The following LSM14B variants were observed in gnomAD, a reference collection of about 807,000 sequenced individuals.
LSM14B encodes the protein protein LSM14 homolog B.
Under a neutral mutation model 42.1 loss-of-function variants are expected in LSM14B, and 8 were observed. The ratio of observed to expected loss-of-function variants is 0.19; its 90% CI spans 0.11 to 0.34. LSM14B has a LOEUF of 0.34. LSM14B is among the 10% of genes least tolerant of loss of function. LSM14B has a pLI of 1.00. For missense variants in LSM14B, 396 were observed against 513.1 expected (o/e 0.77, Z 2.21); for synonymous variants, 219 against 209.7 (o/e 1.04, Z -0.38).
Position 62,132,739 on chromosome 20 carries a change from C to T in LSM14B, c.987-551C>T, listed in dbSNP as rs565516892. Among the ~76,000 whole-genome samples the T allele has an allele frequency of 2.6e-5, 4 of 152,170 alleles. No homozygotes were observed. The East Asian group carries it at 5.8e-4, about 22-fold the overall frequency. On this transcript the variant is annotated intron_variant, in intron 7 of 8. Transcript: ENST00000279068. ...GGTGTGCTGCTGGAGCTGTTGTCTGCGTCGGTAGGAGTGCTGGGTGGGAGT... is the reference window on the plus strand; with the variant it reads ...GGTGTGCTGCTGGAGCTGTTGTCTGTGTCGGTAGGAGTGCTGGGTGGGAGT...
At chr20:62,124,430 T>C (rs1471498684) in intron 1 of LSM14B, among the ~76,000 whole-genome samples, 187 bp from the exon 2 acceptor site, 1 of 152,250 alleles carries the variant, frequency 6.6e-6, no homozygotes, top group Non-Finnish European at 1.5e-5. Context: ...CTTCACCAAT[T>C]GGTGCATTAT....
chr20:62,131,102 C>T (rs940123488), intron 6 of LSM14B, among the ~76,000 whole-genome samples: 1 of 152,050 alleles, frequency 6.6e-6, no homozygotes, highest in Non-Finnish European at 1.5e-5. Context: ...GGATGGTGAC[C>T]GGCAGTGAGG....
intron 7 of LSM14B, among the ~76,000 whole-genome samples, chr20:62,132,958 G>A (rs554982991): frequency 3.3e-5 from 5 of 152,298 alleles, no homozygotes; most frequent in African/African-American, 1.2e-4. Flanking sequence ...CAGGTCTCCT[G>A]GGCCCCTGGG....
In LSM14B at chr20:62,130,109, G is replaced by C; in HGVS notation, c.596-110G>C. The stretch of plus-strand genomic sequence containing the variant: ...GCAGGCCTGTGCAGCAGCCTCCTGC[G>C]GTGCCGCCCTGGCCGCGTGCCCCAT... On this transcript the variant is annotated intron_variant, in intron 4 of 8. Transcript: ENST00000279068. The surrounding 1 kb of genome is among the most constrained non-coding windows in gnomAD (Gnocchi z 4.1). 2 of 1,470,782 alleles carry C rather than the reference G, an allele frequency of 1.4e-6. No individual in the cohort carries two copies. The highest frequency in any genetic ancestry group is 1.8e-6 in the Non-Finnish European group (2 of 1,083,476). The allele number at this position is 1,470,782 out of a possible 1,614,324, so 91.1% of individuals were successfully genotyped here.
chr20:62,124,345 T>G (rs1190545541), intron 1 of LSM14B, among the ~76,000 whole-genome samples: 1 of 152,246 alleles, frequency 6.6e-6, no homozygotes, highest in East Asian at 1.9e-4. Context: ...CGTTGGTGCC[T>G]TCGCACATCA....
At position 62,131,444 on chromosome 20, in the gene LSM14B, C is replaced by A. The variant is rs747832782; in HGVS notation, c.924C>A (p.Pro308=). 6.2e-7 allele frequency: 1 copy of A among 1,613,926 alleles called. No homozygotes were observed. Among genetic ancestry groups the A allele is most frequent in the Non-Finnish European group, 8.5e-7 (1 of 1,179,874 alleles). ...CCGCTGAGGAAGACCTTCTGGGGCC[C>A]AACTGCTACTATGACAAATCCAAGT... is the stretch of plus-strand genomic sequence containing the variant. ...EAPAEEDLLG[P]NCYYDKSKSF... is the part of the protein sequence containing the mutation. The change falls in exon 7 of 9, where the codon CCC becomes CCA. Residue 308 remains proline (P), a synonymous_variant. Coordinates refer to ENST00000279068, the MANE Select transcript of LSM14B (RefSeq NM_144703.3).
chr20:62,131,623 T>A (rs2056769070), intron 7 of LSM14B, 117 bp downstream of exon 7: 3 of 1,330,750 alleles, frequency 2.3e-6, no homozygotes, highest in African/African-American at 2.9e-5. Context: ...TGTTCTAGGG[T>A]CCTGCTTGCG....
At chr20:62,124,235 G>A (rs1047588347) in intron 1 of LSM14B, among the ~76,000 whole-genome samples, 4 of 152,280 alleles carry the variant, frequency 2.6e-5, no homozygotes, top group Non-Finnish European at 5.9e-5. Flanking sequence ...GTGCGGTGAG[G>A]CTTTGGGCAT....
intron 8 of LSM14B, 38 bp downstream of exon 8, chr20:62,133,513 G>C: frequency 1.3e-6 from 2 of 1,588,760 alleles, no homozygotes; most frequent in East Asian, 4.5e-5. Flanking sequence ...TGGTGGGAGG[G>C]TGTAGGGTCA....
rs765213580 is a variant in LSM14B at position 62,130,670 on chromosome 20, A to G, written c.814A>G (p.Lys272Glu). The G allele has an allele frequency of 2.5e-6, 4 of 1,613,728 alleles. No homozygotes were observed. The Admixed American group carries it at 6.7e-5, about 27-fold the overall frequency. ...FNREELDKEF[K>E]KKLNFKDDKA... ...CCGAGAGGAGCTTGACAAAGAATTT[A>G]AGAAGAAACTGAATTTTAAAGGTTT... Residue 272 changes from lysine (K) to glutamate (E), a missense_variant, in exon 6 of 9, where the codon AAG (lysine) becomes GAG (glutamate). By Grantham distance (56) the Lys-to-Glu change is moderately conservative. Transcript: ENST00000279068. The surrounding 1 kb of genome is among the most constrained non-coding windows in gnomAD (Gnocchi z 4.1).
At position 62,126,451 on chromosome 20, in the gene LSM14B, G is replaced by A; in HGVS notation, c.427+12G>A. On this transcript the variant is annotated intron_variant, in intron 3 of 8. Transcript: ENST00000279068. ...CTCCCTGGGTCTAGGTGAGTGACCTGTTTCTGTCTGGTAAACTACCCTTGC... is the reference window on the plus strand; with the variant it reads ...CTCCCTGGGTCTAGGTGAGTGACCTATTTCTGTCTGGTAAACTACCCTTGC... 6.2e-7 allele frequency: 1 copy of A among 1,605,344 alleles called. No homozygotes were observed. The highest frequency in any genetic ancestry group is 8.5e-7 in the Non-Finnish European group (1 of 1,179,160).
chr20:62,126,507 C>G, intron 3 of LSM14B, 68 bp downstream of exon 3: 1 of 1,565,644 alleles, frequency 6.4e-7, no homozygotes, highest in Non-Finnish European at 8.6e-7. Context: ...AGCGATGGAG[C>G]CTGAGGGTGG....
rs761862693 is a variant in LSM14B at position 62,126,476 on chromosome 20, C to A, written c.427+37C>A. On this transcript the variant is annotated intron_variant, in intron 3 of 8. Coordinates refer to ENST00000279068, the MANE Select transcript of LSM14B (RefSeq NM_144703.3). ...GTTTCTGTCTGGTAAACTACCCTTG[C>A]GTGTAACTGTCACTGAGTGGAGCGA... 4 of 1,597,238 alleles carry A rather than the reference C, an allele frequency of 2.5e-6. No homozygotes were observed. In the South Asian group the frequency reaches 4.4e-5, roughly 18 times the overall value.
Position 62,125,159 on chromosome 20 carries a change from G to A in LSM14B, c.291+379G>A, listed in dbSNP as rs369331458. Among the ~76,000 whole-genome samples the A allele has an allele frequency of 1.8e-4, 27 of 152,364 alleles. No individual in the cohort carries two copies. In the East Asian group the frequency reaches 4.0e-3, roughly 23 times the overall value. ...CTCCCAAAGTGCTAGGATTACAGGC[G>A]TGAGCCACCACACCCAGCCTGAGGA... On this transcript the variant is annotated intron_variant, in intron 2 of 8. Coordinates refer to ENST00000279068, the MANE Select transcript of LSM14B (RefSeq NM_144703.3).
chr20:62,130,419 T>C lies in LSM14B; in HGVS notation c.674-111T>C, dbSNP rs1259902884. On this transcript the variant is annotated intron_variant, in intron 5 of 8. Transcript: ENST00000279068. The surrounding 1 kb of genome is among the most constrained non-coding windows in gnomAD (Gnocchi z 4.1). ...TGCTGGTGTGAAGTCGCTGCTTGTG[T>C]GCTCTGTTCCTTCTGTGGCCTTGGG... 9 of 1,535,154 alleles carry C rather than the reference T, an allele frequency of 5.9e-6. No individual in the cohort carries two copies. Among genetic ancestry groups the C allele is most frequent in the Non-Finnish European group, 8.0e-6 (9 of 1,131,636 alleles).
intron 1 of LSM14B, among the ~76,000 whole-genome samples, chr20:62,124,207 T>A (rs1038979504): frequency 6.6e-6 from 1 of 152,254 alleles, no homozygotes; most frequent in African/African-American, 2.4e-5. Context: ...GTGAGAAAAC[T>A]GCCTCCTCAG....
chr20:62,129,060 G>A, intron 3 of LSM14B: 2 of 1,247,892 alleles, frequency 1.6e-6, no homozygotes, highest in Non-Finnish European at 2.1e-6. Flanking sequence ...TTTTCCTCCT[G>A]ATTCAGAGGG....
chr20:62,129,926 C>T lies in LSM14B; in HGVS notation c.569C>T (p.Ala190Val), dbSNP rs1248457563. 9.3e-6 allele frequency: 15 copies of T among 1,613,046 alleles called. No homozygotes were observed. Among genetic ancestry groups the T allele is most frequent in the Non-Finnish European group, 1.3e-5 (15 of 1,179,684 alleles). Residue 190 changes from alanine (A) to valine (V), a missense_variant, in exon 4 of 9, where the codon GCC becomes GTC. Ala to Val is a moderately conservative substitution (Grantham distance 64). Transcript: ENST00000279068. ...GGGACGCAGCTCAACGGTCGTCAGG[C>T]CCAGCCGAGCAGCAAGACGGCCAGC... ...TTGTQLNGRQ[A>V]QPSSKTASDV...
chr20:62,132,325 G>T (rs991150995), intron 7 of LSM14B, among the ~76,000 whole-genome samples: 2 of 152,208 alleles, frequency 1.3e-5, no homozygotes, highest in Non-Finnish European at 2.9e-5. Context: ...GTTTTGTAGG[G>T]CATGGCAGTG....
Sources: gnomAD v4.1 joint callset for allele counts (sites outside exome capture counted in the v4.1 genomes callset) on GRCh38, gnomAD v4.1.1 for gene constraint, Gnocchi (gnomAD v3.1) non-coding constraint, MANE v1.5 for transcripts, NCBI Gene and HGNC (gene_info 2026-07-23, HGNC 2026-07-21) for gene names.